TP53I13: variants seen among roughly 807,000 people sequenced by gnomAD.
TP53I13 encodes tumor protein p53-inducible protein 13.
TP53I13 carries 27 observed loss-of-function variants against 39.1 expected under a neutral mutation model. That is an observed-to-expected ratio of 0.69 (90% CI 0.51 to 0.95). The LOEUF (loss-of-function observed/expected upper bound fraction) is 0.95. TP53I13 is among the 40% of genes least tolerant of loss of function. The probability of loss-of-function intolerance (pLI) is 0.00; values close to 1 mark genes in which losing one functional copy is unlikely to be tolerated. For missense variants in TP53I13, 544 were observed against 520.4 expected, an observed-to-expected ratio of 1.05 and a Z score of -0.44; for synonymous variants, 230 against 224.6, an observed-to-expected ratio of 1.02 and a Z score of -0.22.
intron 3 of TP53I13, chr17:29,569,630 G>A: frequency 2.7e-6 from 1 of 369,222 alleles, no homozygotes; most frequent in Non-Finnish European, 4.9e-6. Context: ...GTGGCTGTGA[G>A]TGGAACTCTC....
Position 29,572,549 on chromosome 17 carries a change from T to A in TP53I13, c.921T>A (p.Thr307=), listed in dbSNP as rs1159811564. 1.1e-5 allele frequency: 18 copies of A among 1,599,830 alleles called. No homozygotes were observed. Among genetic ancestry groups the A allele is most frequent in the Admixed American group, 1.7e-5 (1 of 57,954 alleles). ...PRAARGPTPR[T]EEAAWAAMAL... ...CAGCCCGGGGCCCCACCCCACGCAC[T>A]GAAGAGGCCGCCTGGGCTGCCATGG... Residue 307 remains threonine (T), a synonymous_variant, in exon 6 of 7, where the codon ACT becomes ACA. Transcript: ENST00000301057.
chr17:29,576,624 G>A, downstream of TP53I13: 1 of 1,614,012 alleles, frequency 6.2e-7, no homozygotes, highest in Non-Finnish European at 8.5e-7. Flanking sequence ...TCAGCTCCAG[G>A]TACTCCTGCA....
the TP53I13 span, chr17:29,581,312 G>C: frequency 1.3e-6 from 2 of 1,588,408 alleles, no homozygotes; most frequent in Non-Finnish European, 1.7e-6. The surrounding 1 kb of genome is among the most constrained non-coding windows in gnomAD (Gnocchi z 4.8). Flanking sequence ...ACAGCCTCTG[G>C]AAAGGGGCAT....
chr17:29,577,277 C>A, downstream of TP53I13: 1 of 1,577,806 alleles, frequency 6.3e-7, no homozygotes, highest in Non-Finnish European at 8.7e-7. Flanking sequence ...AGGCTGGCTT[C>A]AGGGGACCCC....
chr17:29,568,839 A>T lies in TP53I13; in HGVS notation c.72+9A>T. The T allele has an allele frequency of 6.3e-7, 1 of 1,599,810 alleles. No homozygotes were observed. Among genetic ancestry groups the T allele is most frequent in the Non-Finnish European group, 8.5e-7 (1 of 1,179,484 alleles). On this transcript the variant is annotated intron_variant, in intron 1 of 6. Transcript: ENST00000301057. This position sits in a 1 kb window ranked among gnomAD's most constrained non-coding sequence, Gnocchi z 4.5. ...TCCTGGGTCCCAGCGAGGTAAGGTG[A>T]CCCGCTCCTGGGAAGGCCTCGGCCC...
chr17:29,568,186 G>A (rs934425082), upstream of TP53I13: 14 of 152,256 alleles, frequency 9.2e-5, no homozygotes, highest in South Asian at 2.1e-4. This position sits in a 1 kb window ranked among gnomAD's most constrained non-coding sequence, Gnocchi z 4.5. Flanking sequence ...GGGCGGGAGC[G>A]GGGTGGGCCG....
At chr17:29,578,374 G>A in the TP53I13 span, 1 of 1,613,962 alleles carries the variant, frequency 6.2e-7, no homozygotes, top group Non-Finnish European at 8.5e-7. Flanking sequence ...TTGCTGAGCT[G>A]GAGGAAGAGA....
At chr17:29,577,363 G>A (rs1322660730), downstream of TP53I13, 10 of 829,198 alleles carry the variant, frequency 1.2e-5, no homozygotes, top group African/African-American at 1.7e-5. Flanking sequence ...CAGCTAAAGC[G>A]TCCCAGCCTA....
chr17:29,578,280 C>A, the TP53I13 span: 3 of 1,605,866 alleles, frequency 1.9e-6, no homozygotes, highest in Non-Finnish European at 2.6e-6. Flanking sequence ...ACGCCAGACA[C>A]TCCTGCTCCC....
the TP53I13 span, chr17:29,578,579 G>T: frequency 1.2e-6 from 1 of 853,332 alleles, no homozygotes; most frequent in South Asian, 1.4e-5. Context: ...TTGTAGGGAG[G>T]TCAGGGAGAG....
the TP53I13 span, chr17:29,581,627 C>G: frequency 2.5e-6 from 2 of 802,874 alleles, no homozygotes; most frequent in Non-Finnish European, 4.1e-6. The surrounding 1 kb of genome is among the most constrained non-coding windows in gnomAD (Gnocchi z 4.8). Flanking sequence ...TGCCTAGCAA[C>G]ATTGCTCCCC....
chr17:29,582,194 TCCC>T, the TP53I13 span: 1 of 1,369,742 alleles, frequency 7.3e-7, no homozygotes, highest in Non-Finnish European at 1.0e-6. Context: ...GAGGCGCACC[TCCC>T]CACCCACAAG....
chr17:29,581,665 G>A, the TP53I13 span: 1 of 1,111,662 alleles, frequency 9.0e-7, no homozygotes, highest in Non-Finnish European at 1.3e-6. The surrounding 1 kb of genome is among the most constrained non-coding windows in gnomAD (Gnocchi z 4.8). Flanking sequence ...GGCACCTGCT[G>A]CCGGGTGCGT....
chr17:29,577,635 G>GC, downstream of TP53I13: 1 of 1,567,664 alleles, frequency 6.4e-7, no homozygotes, highest in Non-Finnish European at 8.8e-7. Context: ...CCCCAATCCA[G>GC]CCCCCTCACC....
chr17:29,576,080 G>C, downstream of TP53I13: 1 of 1,613,610 alleles, frequency 6.2e-7, no homozygotes, highest in Non-Finnish European at 8.5e-7. Flanking sequence ...AGGCTTACCC[G>C]GTAAAGGCCA....
chr17:29,568,755 T>C lies in TP53I13; in HGVS notation c.-4T>C, dbSNP rs1427012286. ...GCGGCGGGCCGGGCCCGGGGCCGCT[T>C]GGAATGGCGCCTCCTCCGCCTTCGC... On this transcript the variant is annotated 5_prime_UTR_variant, in exon 1 of 7. Transcript: ENST00000301057. This position sits in a 1 kb window ranked among gnomAD's most constrained non-coding sequence, Gnocchi z 4.5. The C allele has an allele frequency of 1.4e-5, 22 of 1,573,506 alleles. No homozygotes were observed. Among genetic ancestry groups the C allele is most frequent in the Non-Finnish European group, 1.9e-5 (22 of 1,168,886 alleles).
At chr17:29,577,030 C>G (rs1598567078), downstream of TP53I13, 1 of 1,605,852 alleles carries the variant, frequency 6.2e-7, no homozygotes, top group East Asian at 2.2e-5. Flanking sequence ...AGGCCACACT[C>G]CACCACACAA....
At chr17:29,571,280 C>T (rs575356013) in intron 3 of TP53I13, 3 of 364,466 alleles carry the variant, frequency 8.2e-6, no homozygotes, top group African/African-American at 6.1e-5. Context: ...GGATTGTGGA[C>T]CTGTAGAGCC....
rs761956127 is a variant in TP53I13 at position 29,572,552 on chromosome 17, A to G, written c.924A>G (p.Glu308=). ...CCCGGGGCCCCACCCCACGCACTGAAGAGGCCGCCTGGGCTGCCATGGCCC... is the reference window on the plus strand; with the variant it reads ...CCCGGGGCCCCACCCCACGCACTGAGGAGGCCGCCTGGGCTGCCATGGCCC... The part of the protein sequence containing the change: ...RAARGPTPRT[E]EAAWAAMALT... The change falls in exon 6 of 7, where the codon GAA becomes GAG. Residue 308 remains glutamate, a synonymous_variant. Coordinates refer to ENST00000301057, the MANE Select transcript of TP53I13 (RefSeq NM_138349.4). 25 of 1,605,188 alleles carry G rather than the reference A, an allele frequency of 1.6e-5. No individual in the cohort carries two copies. The Middle Eastern group carries it at 6.6e-4, about 42-fold the overall frequency.
Sources: gnomAD v4.1 joint callset for allele counts on GRCh38, gnomAD v4.1.1 for gene constraint, Gnocchi (gnomAD v3.1) non-coding constraint, MANE v1.5 for transcripts, NCBI Gene and HGNC (gene_info 2026-07-23, HGNC 2026-07-21) for gene names.